The following STAU2 variants were observed in gnomAD, a reference collection of about 807,000 sequenced individuals.
STAU2 encodes the protein double-stranded RNA-binding protein Staufen homolog 2.
Under a neutral mutation model 65.9 loss-of-function variants are expected in STAU2, and 20 were observed. The observed-to-expected ratio is 0.30, with a 90% CI of 0.21 to 0.44. The LOEUF (loss-of-function observed/expected upper bound fraction) is 0.44, where lower values mean the gene tolerates loss of function less well. Ranked by LOEUF, STAU2 falls within the 20% of genes least tolerant of loss-of-function variation. The pLI is 1.00. For missense variants in STAU2, 558 were observed against 683.9 expected, an observed-to-expected ratio of 0.82 and a Z score of 2.05; for synonymous variants, 232 against 233.9, an observed-to-expected ratio of 0.99 and a Z score of 0.07.
At chr8:73,461,373 T>C (rs1819341134) in intron 13 of STAU2, among the ~76,000 whole-genome samples, 2 of 152,066 alleles carry the variant, frequency 1.3e-5, no homozygotes, top group African/African-American at 2.4e-5. Flanking sequence ...GTAATAATTA[T>C]TCCAGCCTTA....
intron 3 of STAU2, among the ~76,000 whole-genome samples, chr8:73,725,576 C>T (rs1323141649): frequency 6.6e-6 from 1 of 152,196 alleles, no homozygotes; most frequent in East Asian, 1.9e-4. Flanking sequence ...GTGGGCGGAT[C>T]ACTGGAGGTC....
In STAU2 at chr8:73,420,549, C is replaced by A. The variant is rs1389176333; in HGVS notation, c.*823G>T. 4 of 216,846 alleles carry A rather than the reference C, an allele frequency of 1.8e-5. No individual in the cohort carries two copies. The East Asian group carries it at 4.0e-4, about 21-fold the overall frequency. 13.4% of individuals were successfully genotyped at this position (216,846 alleles called of 1,614,324 possible). Reference sequence around the variant, plus strand: ...TCCAGAGGCAGTTACAAAAAACACTCTTGATGCAAACCGTGAGTGGCTACA... The same window carrying A: ...TCCAGAGGCAGTTACAAAAAACACTATTGATGCAAACCGTGAGTGGCTACA... On this transcript the variant is annotated 3_prime_UTR_variant, in exon 15 of 15. Transcript: ENST00000524300.
At chr8:73,712,234 A>ATAG (rs1820949795) in intron 3 of STAU2, among the ~76,000 whole-genome samples, 1 of 152,214 alleles carries the variant, frequency 6.6e-6, no homozygotes, top group African/African-American at 2.4e-5. Flanking sequence ...GGTGGCTGGA[A>ATAG]TAGTAGAGAC....
chr8:73,485,174 A>G (rs1820848855), intron 13 of STAU2, among the ~76,000 whole-genome samples: 2 of 120,178 alleles, frequency 1.7e-5, no homozygotes, highest in South Asian at 2.7e-4. Context: ...TTTTTTTGAG[A>G]CAGAATCTCG....
At chr8:73,623,253 T>G (rs1283722564) in intron 6 of STAU2, among the ~76,000 whole-genome samples, 1 of 152,230 alleles carries the variant, frequency 6.6e-6, no homozygotes, top group East Asian at 1.9e-4. Flanking sequence ...TTGTATTATC[T>G]TTCTAAACAA....
chr8:73,746,499 C>T (rs1228675861), intron 1 of STAU2, among the ~76,000 whole-genome samples: 1 of 151,950 alleles, frequency 6.6e-6, no homozygotes, highest in African/African-American at 2.4e-5. Flanking sequence ...CGGCTCCTCC[C>T]CTCAGGACAC....
chr8:73,686,986 A>G (rs939679992), intron 5 of STAU2, among the ~76,000 whole-genome samples: 6 of 149,326 alleles, frequency 4.0e-5, no homozygotes, highest in Non-Finnish European at 8.9e-5. Context: ...TCCGCCTGCC[A>G]GGTTCAAGCA....
intron 6 of STAU2, among the ~76,000 whole-genome samples, chr8:73,663,878 C>A (rs1817032886): frequency 6.6e-6 from 1 of 152,170 alleles, no homozygotes. Flanking sequence ...ACTAACCTTG[C>A]AACTTGTGGC....
intron 11 of STAU2, among the ~76,000 whole-genome samples, chr8:73,590,380 AC>A (rs1187135185): frequency 6.6e-6 from 1 of 152,204 alleles, no homozygotes; most frequent in Admixed American, 6.5e-5. Flanking sequence ...AAGAATTACA[AC>A]AGACTTTACA....
chr8:73,531,642 A>G (rs1364501687), intron 13 of STAU2, among the ~76,000 whole-genome samples: 1 of 152,140 alleles, frequency 6.6e-6, no homozygotes, highest in Non-Finnish European at 1.5e-5. Context: ...CTGTGAATTA[A>G]AAAAAATATG....
chr8:73,437,366 G>C (rs1225127048), intron 13 of STAU2, among the ~76,000 whole-genome samples: 1 of 152,192 alleles, frequency 6.6e-6, no homozygotes, highest in Non-Finnish European at 1.5e-5. Context: ...ATGATGATCG[G>C]AGAAGGGTGT....
chr8:73,691,252 C>G (rs898556225), intron 4 of STAU2, among the ~76,000 whole-genome samples: 1 of 152,138 alleles, frequency 6.6e-6, no homozygotes, highest in South Asian at 2.1e-4. Flanking sequence ...AGTTCATACC[C>G]CAAAATGTTT....
chr8:73,533,528 C>A (rs1052695701), intron 13 of STAU2, among the ~76,000 whole-genome samples: 2 of 152,116 alleles, frequency 1.3e-5, no homozygotes, highest in Admixed American at 1.3e-4. Flanking sequence ...ATTGACTTTG[C>A]CAGTCTAAAG....
At chr8:73,741,559 G>C (rs13272806) in intron 1 of STAU2, among the ~76,000 whole-genome samples, 151,162 of 151,170 alleles carry the variant, frequency 1, 75,577 homozygotes, top group Non-Finnish European at 1. Context: ...GTCACCCAGA[G>C]TGGAGTGCAA....
intron 13 of STAU2, among the ~76,000 whole-genome samples, chr8:73,478,624 T>C (rs1820443964): frequency 6.6e-6 from 1 of 152,206 alleles, no homozygotes; most frequent in Non-Finnish European, 1.5e-5. Flanking sequence ...AAACGGTTTA[T>C]GTTCTTTGTT....
intron 6 of STAU2, among the ~76,000 whole-genome samples, chr8:73,654,839 A>C (rs1226531363): frequency 2.6e-5 from 4 of 151,420 alleles, no homozygotes; most frequent in Non-Finnish European, 5.9e-5. Context: ...GGCGCGCGCC[A>C]CCATGCCCGG....
At chr8:73,692,043 A>G (rs1020878332) in intron 4 of STAU2, among the ~76,000 whole-genome samples, 1 of 152,156 alleles carries the variant, frequency 6.6e-6, no homozygotes, top group Non-Finnish European at 1.5e-5. Context: ...ATAATCGATC[A>G]TGCCTATGTG....
intron 6 of STAU2, among the ~76,000 whole-genome samples, chr8:73,635,665 A>C (rs932275381): frequency 3.3e-5 from 5 of 152,050 alleles, no homozygotes; most frequent in African/African-American, 1.2e-4. Flanking sequence ...TCTCTATTAA[A>C]AATTTAAAAA....
At chr8:73,427,716 G>A (rs1194292399) in intron 13 of STAU2, among the ~76,000 whole-genome samples, 1 of 152,238 alleles carries the variant, frequency 6.6e-6, no homozygotes, top group Non-Finnish European at 1.5e-5. Flanking sequence ...TCACTCACTT[G>A]TAGGCTCCAA....
Sources: allele counts gnomAD v4.1 joint callset (sites outside exome capture counted in the v4.1 genomes callset), GRCh38; gene constraint gnomAD v4.1.1; transcripts MANE v1.5; gene names NCBI Gene and HGNC (gene_info 2026-07-23, HGNC 2026-07-21).